KCND2: variants seen among roughly 807,000 people sequenced by gnomAD.
The protein encoded by KCND2 is A-type voltage-gated potassium channel KCND2.
Under a neutral mutation model 54.4 loss-of-function variants are expected in KCND2, and 16 were observed. That is an observed-to-expected ratio of 0.29 (90% CI 0.20 to 0.45). The LOEUF (loss-of-function observed/expected upper bound fraction) is 0.45, where lower values mean the gene tolerates loss of function less well. KCND2 is among the 20% of genes least tolerant of loss of function. The pLI is 1.00. For synonymous variants in KCND2, 317 were observed against 310.7 expected (o/e 1.02, Z -0.21); for missense variants, 486 against 824.2 (o/e 0.59, Z 5.02).
In KCND2 at chr7:120,604,510, CAATAATAATAATAATAAT is replaced by C. The variant is rs36229417; in HGVS notation, c.1116-128367_1116-128350del. Among the ~76,000 whole-genome samples, 188 of 140,242 alleles carry C rather than the reference CAATAATAATAATAATAAT, an allele frequency of 1.3e-3. 1 individual carries two copies. The highest frequency in any genetic ancestry group is 8.3e-3 in the Admixed American group (115 of 13,932). 92.0% of individuals were successfully genotyped at this position (140,242 alleles called of 152,430 possible). On this transcript the variant is annotated intron_variant, in intron 1 of 5. Transcript: ENST00000331113. ...AGAGCAAGACTCCATCTAAAAATAA[CAATAATAATAATAATAAT>C]AATAATAATAATAATAATAATAATA...
intron 1 of KCND2, among the ~76,000 whole-genome samples, chr7:120,326,437 T>C (rs1177725895): frequency 6.6e-6 from 1 of 152,116 alleles, no homozygotes; most frequent in Non-Finnish European, 1.5e-5. Flanking sequence ...CATAATAATC[T>C]ATTTTTAAGT....
chr7:120,699,018 C>T (rs948826507), intron 1 of KCND2, among the ~76,000 whole-genome samples: 28 of 152,178 alleles, frequency 1.8e-4, no homozygotes, highest in African/African-American at 6.3e-4. Flanking sequence ...CGGTGGCTCA[C>T]GCCTGTAATC....
At chr7:120,621,404 G>A (rs895890700) in intron 1 of KCND2, among the ~76,000 whole-genome samples, 1 of 151,576 alleles carries the variant, frequency 6.6e-6, no homozygotes, top group African/African-American at 2.4e-5. Context: ...CACATTGAAG[G>A]ATGGGGTGCC....
chr7:120,540,954 AT>A (rs1338521299), intron 1 of KCND2, among the ~76,000 whole-genome samples: 1 of 152,174 alleles, frequency 6.6e-6, no homozygotes, highest in Non-Finnish European at 1.5e-5. Context: ...TCATTTTTAA[AT>A]GTCTTTTCAA....
At chr7:120,390,234 TA>T (rs1418171082) in intron 1 of KCND2, among the ~76,000 whole-genome samples, 1 of 151,880 alleles carries the variant, frequency 6.6e-6, no homozygotes, top group Non-Finnish European at 1.5e-5. Flanking sequence ...CCTGGTTCCA[TA>T]AATATAGTAT....
intron 1 of KCND2, among the ~76,000 whole-genome samples, chr7:120,632,669 C>G (rs1793252437): frequency 6.6e-6 from 1 of 152,142 alleles, no homozygotes; most frequent in Non-Finnish European, 1.5e-5. Context: ...GTAATGGACA[C>G]TATACATAAA....
At chr7:120,729,283 A>AT (rs367834692) in intron 1 of KCND2, among the ~76,000 whole-genome samples, 60 of 152,346 alleles carry the variant, frequency 3.9e-4, no homozygotes, top group African/African-American at 1.4e-3. Context: ...AAAAACAGAC[A>AT]TGAATCATAC....
chr7:120,364,678 G>C (rs970914383), intron 1 of KCND2, among the ~76,000 whole-genome samples: 4 of 151,988 alleles, frequency 2.6e-5, no homozygotes, highest in African/African-American at 9.7e-5. Flanking sequence ...AAACATCAAG[G>C]GTAAGGAGGA....
chr7:120,413,395 A>G (rs897874863), intron 1 of KCND2, among the ~76,000 whole-genome samples: 3 of 151,958 alleles, frequency 2.0e-5, no homozygotes, highest in Non-Finnish European at 4.4e-5. Flanking sequence ...CTTCTGGGTT[A>G]ATTTGTTCAC....
At chr7:120,388,143 A>G (rs1293160837) in intron 1 of KCND2, among the ~76,000 whole-genome samples, 1 of 152,070 alleles carries the variant, frequency 6.6e-6, no homozygotes, top group East Asian at 1.9e-4. Context: ...TCTATTTTAG[A>G]TTTCTGGTGA....
At chr7:120,707,959 T>C (rs1347673607) in intron 1 of KCND2, among the ~76,000 whole-genome samples, 1 of 152,076 alleles carries the variant, frequency 6.6e-6, no homozygotes, top group Non-Finnish European at 1.5e-5. Context: ...CAGTCAGAAC[T>C]GGAGCTTCAT....
At chr7:120,359,023 T>G (rs1163645805) in intron 1 of KCND2, among the ~76,000 whole-genome samples, 1 of 152,180 alleles carries the variant, frequency 6.6e-6, no homozygotes, top group Non-Finnish European at 1.5e-5. Flanking sequence ...AGAGAAACCC[T>G]TACAGGCCAC....
intron 1 of KCND2, among the ~76,000 whole-genome samples, chr7:120,445,614 G>T (rs996828568): frequency 6.6e-6 from 1 of 152,088 alleles, no homozygotes; most frequent in African/African-American, 2.4e-5. Flanking sequence ...AGCACATAGT[G>T]AATGGAAAAT....
intron 1 of KCND2, among the ~76,000 whole-genome samples, chr7:120,658,139 T>G (rs1170748501): frequency 6.6e-6 from 1 of 152,126 alleles, no homozygotes; most frequent in Non-Finnish European, 1.5e-5. Context: ...GGAAGAAAAT[T>G]GCACGTGGGT....
intron 1 of KCND2, among the ~76,000 whole-genome samples, chr7:120,547,854 G>A (rs1418066563): frequency 6.6e-6 from 1 of 151,942 alleles, no homozygotes. Context: ...GAGGCAGTCA[G>A]CTTTCTTCAC....
At chr7:120,347,869 T>C (rs1469227048) in intron 1 of KCND2, among the ~76,000 whole-genome samples, 2 of 152,146 alleles carry the variant, frequency 1.3e-5, no homozygotes, top group South Asian at 2.1e-4. Flanking sequence ...TTTCTCCCAG[T>C]TCTGCAGGCT....
rs144549224 is a variant in KCND2 at position 120,543,320 on chromosome 7, G to T, written c.1116-189583G>T. On this transcript the variant is annotated intron_variant, in intron 1 of 5. Coordinates refer to ENST00000331113, the MANE Select transcript of KCND2 (RefSeq NM_012281.3). ...TCCTCATTTTTCCCCAGCAGAGCAT[G>T]CCTGTTTTTGTCTTCTTTGGTTATC... Among the ~76,000 whole-genome samples, 370 of 151,590 alleles carry T rather than the reference G, an allele frequency of 2.4e-3. 2 individuals carry two copies. The highest frequency in any genetic ancestry group is 4.4e-3 in the Non-Finnish European group (300 of 67,846).
chr7:120,399,169 A>G (rs980632231), intron 1 of KCND2, among the ~76,000 whole-genome samples: 2 of 152,008 alleles, frequency 1.3e-5, no homozygotes, highest in East Asian at 3.9e-4. Context: ...TATACTATAT[A>G]GTAGAAGCAT....
intron 1 of KCND2, among the ~76,000 whole-genome samples, chr7:120,287,241 G>A (rs2191734): frequency 0.66 from 100,465 of 151,914 alleles, 38,084 homozygotes; most frequent in South Asian, 0.91. Flanking sequence ...AGGTGTTTTC[G>A]TAAGAAATAT....
Sources: gnomAD v4.1 joint callset for allele counts (sites outside exome capture counted in the v4.1 genomes callset) on GRCh38, gnomAD v4.1.1 for gene constraint, MANE v1.5 for transcripts, NCBI Gene and HGNC (gene_info 2026-07-23, HGNC 2026-07-21) for gene names.